KCNU1: variants seen among roughly 807,000 people sequenced by gnomAD.
KCNU1 encodes the protein potassium calcium-activated channel subfamily U member 1, also known as potassium channel subfamily U member 1.
In KCNU1, 93 loss-of-function variants were observed where a neutral mutation model predicts 126.8. The observed-to-expected ratio is 0.73, with a 90% CI of 0.62 to 0.87. The LOEUF (loss-of-function observed/expected upper bound fraction) is 0.87. Ranked by LOEUF, KCNU1 falls within the 40% of genes least tolerant of loss-of-function variation. KCNU1 has a pLI of 0.00. For missense variants in KCNU1, 1,330 were observed against 1,367.1 expected (o/e 0.97, Z 0.43); for synonymous variants, 523 against 494.2 (o/e 1.06, Z -0.77).
At chr8:36,923,555 G>A (rs907718886) in intron 24 of KCNU1, among the ~76,000 whole-genome samples, 10 of 152,096 alleles carry the variant, frequency 6.6e-5, no homozygotes, top group Non-Finnish European at 7.4e-5. Context: ...TTGGTGCTGC[G>A]AAGAAAAGTC....
intron 13 of KCNU1, 98 bp downstream of exon 13, chr8:36,836,463 G>A: frequency 1.2e-6 from 1 of 816,344 alleles, no homozygotes; most frequent in Non-Finnish European, 2.0e-6. Context: ...AAAAGTTTTT[G>A]CTAATCATAG....
chr8:36,901,627 A>G (rs1807422621), intron 19 of KCNU1, among the ~76,000 whole-genome samples: 1 of 152,172 alleles, frequency 6.6e-6, no homozygotes, highest in Admixed American at 6.5e-5. Flanking sequence ...AACTGTTCTT[A>G]TCCAGCAGCT....
At chr8:36,794,840 G>A (rs1284623247) in intron 2 of KCNU1, among the ~76,000 whole-genome samples, 3 of 152,082 alleles carry the variant, frequency 2.0e-5, no homozygotes, top group African/African-American at 7.2e-5. Flanking sequence ...GAGGTGGGAG[G>A]ATTGCCTGAG....
intron 10 of KCNU1, among the ~76,000 whole-genome samples, chr8:36,818,831 G>C (rs945901888): frequency 6.6e-6 from 1 of 152,160 alleles, no homozygotes; most frequent in African/African-American, 2.4e-5. Flanking sequence ...GCAGTTTGAA[G>C]CACTCTATGA....
chr8:36,830,368 A>ATTATC (rs1288597522), intron 10 of KCNU1, among the ~76,000 whole-genome samples: 1 of 151,968 alleles, frequency 6.6e-6, no homozygotes, highest in Non-Finnish European at 1.5e-5. Context: ...GGTTAAAAAT[A>ATTATC]TTATCTTCTA....
At chr8:36,814,535 C>T in intron 8 of KCNU1, 158 bp downstream of exon 8, 1 of 590,364 alleles carries the variant, frequency 1.7e-6, no homozygotes, top group South Asian at 2.4e-5. Flanking sequence ...CCCATGTTTT[C>T]CAAACTGCAT....
At chr8:36,784,651 G>A (rs1240211883) in intron 1 of KCNU1, 46 bp downstream of exon 1, 3 of 1,406,764 alleles carry the variant, frequency 2.1e-6, no homozygotes, top group East Asian at 2.3e-5. Context: ...TCAGAGATGA[G>A]TTTGGGGTAG....
rs2130578073 is a variant in KCNU1 at position 36,841,113 on chromosome 8, T to C, written c.1703+110T>C. On this transcript the variant is annotated intron_variant, in intron 16 of 26. Coordinates refer to ENST00000399881, the MANE Select transcript of KCNU1 (RefSeq NM_001031836.3). ...CAAAGATGCAGCTATAACTAAGCTT[T>C]TTCCCTTTGGTGGATTGGCTGAGAG... 7.9e-6 allele frequency: 6 copies of C among 757,778 alleles called. No homozygotes were observed. In the South Asian group the frequency reaches 8.8e-5, roughly 11 times the overall value. 46.9% of individuals were successfully genotyped at this position (757,778 alleles called of 1,614,324 possible).
At chr8:36,809,527 A>G (rs899017952) in intron 7 of KCNU1, among the ~76,000 whole-genome samples, 9 of 152,234 alleles carry the variant, frequency 5.9e-5, no homozygotes, top group Admixed American at 2.0e-4. Flanking sequence ...AAAAGTTACC[A>G]TTGTTCAATT....
intron 23 of KCNU1, among the ~76,000 whole-genome samples, chr8:36,920,979 T>C (rs912227586): frequency 6.6e-6 from 1 of 152,170 alleles, no homozygotes; most frequent in Non-Finnish European, 1.5e-5. Flanking sequence ...CTGAGTTGCT[T>C]GTCCAGCAGA....
At chr8:36,818,131 G>T (rs1448376370) in intron 10 of KCNU1, among the ~76,000 whole-genome samples, 2 of 152,156 alleles carry the variant, frequency 1.3e-5, no homozygotes. Flanking sequence ...AGAAATGATT[G>T]TTCTTGATGC....
At chr8:36,835,112 C>T (rs1415333981) in intron 12 of KCNU1, among the ~76,000 whole-genome samples, 1 of 152,112 alleles carries the variant, frequency 6.6e-6, no homozygotes, top group Non-Finnish European at 1.5e-5. Flanking sequence ...AGTTTCATAT[C>T]TATAGTAGCC....
chr8:36,798,532 G>A (rs1681569396), intron 2 of KCNU1, among the ~76,000 whole-genome samples: 5 of 152,066 alleles, frequency 3.3e-5, no homozygotes, highest in Admixed American at 1.3e-4. Flanking sequence ...TAAGAGTCCA[G>A]CACATTTTAA....
chr8:36,812,639 A>G (rs1187583301), intron 7 of KCNU1, among the ~76,000 whole-genome samples: 1 of 152,190 alleles, frequency 6.6e-6, no homozygotes, highest in Non-Finnish European at 1.5e-5. Flanking sequence ...GTTAAAATAG[A>G]TAATGATTCA....
At chr8:36,869,585 G>A (rs532623941) in intron 19 of KCNU1, among the ~76,000 whole-genome samples, 61 of 152,048 alleles carry the variant, frequency 4.0e-4, no homozygotes, top group African/African-American at 1.4e-3. Context: ...ACAAATATTA[G>A]CCATGAGCAA....
chr8:36,933,131 AC>A, intron 26 of KCNU1, 99 bp downstream of exon 26: 1 of 752,634 alleles, frequency 1.3e-6, no homozygotes, highest in Non-Finnish European at 2.3e-6. Flanking sequence ...CTCAGGGTCC[AC>A]AGTTGCAAGG....
intron 10 of KCNU1, among the ~76,000 whole-genome samples, chr8:36,824,295 G>A (rs1345009014): frequency 6.6e-6 from 1 of 152,058 alleles, no homozygotes; most frequent in African/African-American, 2.4e-5. Flanking sequence ...GTTACATATG[G>A]TCAGTCGTGT....
intron 18 of KCNU1, among the ~76,000 whole-genome samples, chr8:36,855,786 C>T (rs1805508020): frequency 6.6e-6 from 1 of 151,694 alleles, no homozygotes; most frequent in East Asian, 1.9e-4. Flanking sequence ...GGTATCTTGT[C>T]TTCATTTTTT....
At chr8:36,843,545 C>A (rs1267254809) in intron 16 of KCNU1, among the ~76,000 whole-genome samples, 1 of 152,170 alleles carries the variant, frequency 6.6e-6, no homozygotes, top group Non-Finnish European at 1.5e-5. Flanking sequence ...TTTTCCCAAC[C>A]TCACACAACA....
Sources: gnomAD v4.1 joint callset for allele counts (sites outside exome capture counted in the v4.1 genomes callset) on GRCh38, gnomAD v4.1.1 for gene constraint, MANE v1.5 for transcripts, NCBI Gene and HGNC (gene_info 2026-07-23, HGNC 2026-07-21) for gene names.